Variants in MGAT5 observed in about 807,000 individuals in gnomAD.
MGAT5 encodes alpha-1,6-mannosylglycoprotein 6-beta-N-acetylglucosaminyltransferase.
MGAT5 carries 30 observed loss-of-function variants against 94.3 expected under a neutral mutation model. That is an observed-to-expected ratio of 0.32 (90% confidence interval 0.24 to 0.43). The LOEUF is 0.43. MGAT5 is among the 20% of genes least tolerant of loss of function. The probability of loss-of-function intolerance (pLI) is 1.00; values close to 1 mark genes in which losing one functional copy is unlikely to be tolerated. For missense variants in MGAT5, 691 were observed against 905.5 expected (o/e 0.76, Z 3.04); for synonymous variants, 310 against 322.9 (o/e 0.96, Z 0.43).
At chr2:134,171,845 T>G (rs1688225052) in intron 1 of MGAT5, among the ~76,000 whole-genome samples, 1 of 152,152 alleles carries the variant, frequency 6.6e-6, no homozygotes, top group Admixed American at 6.5e-5. Context: ...GCTGGGGTAT[T>G]TGCTCTTGTC....
chr2:134,301,729 A>G (rs1385034862), intron 2 of MGAT5, among the ~76,000 whole-genome samples: 1 of 152,186 alleles, frequency 6.6e-6, no homozygotes, highest in East Asian at 1.9e-4. Context: ...GCAGGCAGCT[A>G]GGAAGGGAAG....
At chr2:134,332,757 A>C (rs1181175989) in intron 4 of MGAT5, among the ~76,000 whole-genome samples, 1 of 152,184 alleles carries the variant, frequency 6.6e-6, no homozygotes, top group African/African-American at 2.4e-5. Context: ...AAACAACCCC[A>C]TCAAAAAGTG....
At chr2:134,374,625 T>C (rs770318386) in intron 10 of MGAT5, among the ~76,000 whole-genome samples, 5 of 152,226 alleles carry the variant, frequency 3.3e-5, no homozygotes, top group South Asian at 4.1e-4. Context: ...AAAAATCATA[T>C]ATGCAGCATA....
At chr2:134,292,755 G>T (rs192542288) in intron 2 of MGAT5, among the ~76,000 whole-genome samples, 2 of 152,138 alleles carry the variant, frequency 1.3e-5, no homozygotes, top group South Asian at 2.1e-4. Context: ...TTAACACTCC[G>T]AGCAAGGGGT....
At chr2:134,159,755 G>T (rs538933863) in intron 1 of MGAT5, among the ~76,000 whole-genome samples, 1 of 152,186 alleles carries the variant, frequency 6.6e-6, no homozygotes, top group Non-Finnish European at 1.5e-5. Context: ...TCCCGCCCCA[G>T]AGGTGGAGGT....
At chr2:134,341,858 A>G (rs1258057915) in intron 7 of MGAT5, 99 bp downstream of exon 7, 15 of 1,021,204 alleles carry the variant, frequency 1.5e-5, no homozygotes, top group Non-Finnish European at 4.2e-6. Flanking sequence ...TTTGTCGAGG[A>G]AAATGAAAGT....
At chr2:134,128,210 GAA>G (rs60527385) in intron 1 of MGAT5, among the ~76,000 whole-genome samples, 5 of 82,708 alleles carry the variant, frequency 6.0e-5, no homozygotes, top group Non-Finnish European at 1.2e-4. Flanking sequence ...CCTCTACAAA[GAA>G]AAAAAAAAAA....
chr2:134,291,261 G>A (rs962524964), intron 2 of MGAT5, among the ~76,000 whole-genome samples: 1 of 152,156 alleles, frequency 6.6e-6, no homozygotes, highest in Non-Finnish European at 1.5e-5. Flanking sequence ...TTTGAGGGGA[G>A]AGCCCTCATG....
rs755733559 is a variant in MGAT5, at chr2:134,344,951, A to G, written c.999A>G (p.Gly333=). The G allele has an allele frequency of 1.2e-6, 2 of 1,613,534 alleles. No individual in the cohort carries two copies. The highest frequency in any genetic ancestry group is 4.5e-5 in the East Asian group (2 of 44,842). Residue 333 remains glycine, a synonymous_variant, in exon 8 of 16, where the codon GGA becomes GGG. Coordinates refer to ENST00000281923, the MANE Select transcript of MGAT5 (RefSeq NM_002410.5). ...ELKEIMKKVV[G]NRSGCPTVGD... is the part of the protein sequence containing the mutation. The stretch of plus-strand genomic sequence containing the variant: ...CTAGAATCATGAAGAAGGTTGTAGG[A>G]AACCGATCTGGCTGCCCAACTGTAG...
At chr2:134,378,623 T>TTA (rs2106189705) in intron 10 of MGAT5, among the ~76,000 whole-genome samples, 1 of 151,108 alleles carries the variant, frequency 6.6e-6, no homozygotes, top group Non-Finnish European at 1.5e-5. Context: ...ATTACTTTTT[T>TTA]TTTTTTTTTT....
chr2:134,174,951 G>A (rs1452166840), intron 1 of MGAT5, among the ~76,000 whole-genome samples: 1 of 152,184 alleles, frequency 6.6e-6, no homozygotes, highest in Non-Finnish European at 1.5e-5. Context: ...CCTGGGAAGT[G>A]GCTCAGAATC....
intron 9 of MGAT5, among the ~76,000 whole-genome samples, chr2:134,353,941 G>A (rs948105710): frequency 1.3e-5 from 2 of 152,162 alleles, no homozygotes; most frequent in African/African-American, 4.8e-5. Flanking sequence ...CCTGCCCACA[G>A]TGAACTTGGA....
At chr2:134,190,378 G>A (rs1319645931) in intron 1 of MGAT5, among the ~76,000 whole-genome samples, 1 of 152,108 alleles carries the variant, frequency 6.6e-6, no homozygotes, top group African/African-American at 2.4e-5. Flanking sequence ...TTTTTCTCTT[G>A]CTACTGCAGA....
chr2:134,240,180 T>G (rs12614345), intron 1 of MGAT5, among the ~76,000 whole-genome samples: 12,705 of 152,210 alleles, frequency 0.083, 571 homozygotes, highest in East Asian at 0.14. Context: ...TGTTTACTGC[T>G]TTATATTTAA....
At chr2:134,216,766 A>G (rs1680518170) in intron 1 of MGAT5, among the ~76,000 whole-genome samples, 1 of 152,108 alleles carries the variant, frequency 6.6e-6, no homozygotes, top group Admixed American at 6.5e-5. Flanking sequence ...AGGGGTGATT[A>G]TTGTGGTTTC....
chr2:134,300,180 A>G (rs78128277), intron 2 of MGAT5, among the ~76,000 whole-genome samples: 3,349 of 152,272 alleles, frequency 0.022, 133 homozygotes, highest in African/African-American at 0.077. Flanking sequence ...GGAAAATAAT[A>G]AATTCCTGAT....
At chr2:134,155,896 G>C (rs926913739) in intron 1 of MGAT5, among the ~76,000 whole-genome samples, 1 of 151,678 alleles carries the variant, frequency 6.6e-6, no homozygotes, top group Non-Finnish European at 1.5e-5. Flanking sequence ...CTTTCCTTCC[G>C]CAGGGAGGCC....
chr2:134,147,008 T>G (rs1449228284), intron 1 of MGAT5, among the ~76,000 whole-genome samples: 1 of 152,212 alleles, frequency 6.6e-6, no homozygotes, highest in African/African-American at 2.4e-5. Context: ...AAATATTTTA[T>G]TGTTTAGTTA....
At chr2:134,336,365 GAAATGCCAACTAT>G in intron 5 of MGAT5, 77 bp downstream of exon 5, 1 of 1,236,384 alleles carries the variant, frequency 8.1e-7, no homozygotes, top group Non-Finnish European at 1.2e-6. Context: ...GAATCTTCTA[GAAATGCCAACTAT>G]AACCTGAAAT....
Sources: allele counts gnomAD v4.1 joint callset (sites outside exome capture counted in the v4.1 genomes callset), GRCh38; gene constraint gnomAD v4.1.1; transcripts MANE v1.5; gene names NCBI Gene and HGNC (gene_info 2026-07-23, HGNC 2026-07-21).